PHKA1: variants seen among roughly 807,000 people sequenced by gnomAD.
The protein encoded by PHKA1 is phosphorylase kinase regulatory subunit alpha 1.
A neutral mutation model predicts 110.2 loss-of-function variants in PHKA1; 60 were observed. The ratio of observed to expected loss-of-function variants is 0.54; its 90% CI spans 0.44 to 0.68. PHKA1 has a LOEUF of 0.68. PHKA1 is among the 30% of genes least tolerant of loss of function. The pLI is 0.00. For missense variants in PHKA1, 801 were observed against 942.5 expected, an observed-to-expected ratio of 0.85 and a Z score of 1.97; for synonymous variants, 316 against 333.6, an observed-to-expected ratio of 0.95 and a Z score of 0.58.
chrX:72,620,873 A>G lies in PHKA1; in HGVS notation c.1989T>C (p.Tyr663=). ...CAGTGTGCGCCAAAAGGTGATCTAAATAACGAGCAACTTCATCACCACAGC... is the reference window on the plus strand; with the variant it reads ...CAGTGTGCGCCAAAAGGTGATCTAAGTAACGAGCAACTTCATCACCACAGC... The part of the protein sequence containing the change: ...HARCGDEVAR[Y]LDHLLAHTAP... The change falls in exon 19 of 32, where the codon TAT becomes TAC. Residue 663 remains tyrosine (Y), a synonymous_variant. Transcript: ENST00000373542. The G allele has an allele frequency of 8.3e-7, 1 of 1,211,292 alleles. No individual in the cohort carries two copies.
chrX:72,591,319 A>G (rs782588883), intron 29 of PHKA1, among the ~76,000 whole-genome samples: 1 of 111,224 alleles, frequency 9.0e-6, no homozygotes, highest in African/African-American at 3.3e-5. Context: ...AGGACAGAAA[A>G]CCAAACACCA....
At chrX:72,668,263 G>A (rs933351277) in intron 6 of PHKA1, among the ~76,000 whole-genome samples, 1 of 111,741 alleles carries the variant, frequency 8.9e-6, no homozygotes, top group Non-Finnish European at 1.9e-5. Flanking sequence ...AATAATGACT[G>A]TCAAGCTAAT....
intron 21 of PHKA1, among the ~76,000 whole-genome samples, 159 bp from the exon 22 acceptor site, chrX:72,611,343 G>T (rs782498961): frequency 1.8e-5 from 2 of 111,930 alleles, no homozygotes; most frequent in Non-Finnish European, 3.8e-5. Flanking sequence ...ATGATTAACA[G>T]TCAGCTCTGA....
chrX:72,713,844 C>T lies in PHKA1; in HGVS notation c.37G>A (p.Gly13Ser). The part of the protein sequence containing the change: ...SRSNSGVRLD[G>S]YARLVQQTIL... ...GTCTGTTGCACCAGTCGAGCGTAGC[C>T]GTCCAGCCGGACCCCGGAGTTACTC... Residue 13 changes from glycine to serine, a missense_variant, in exon 1 of 32, where the codon GGC (glycine) becomes AGC (serine). By Grantham distance (56) the Gly-to-Ser change is moderately conservative. Coordinates refer to ENST00000373542, the MANE Select transcript of PHKA1 (RefSeq NM_002637.4). 8.3e-7 allele frequency: 1 copy of T among 1,209,116 alleles called. No homozygotes were observed. The highest frequency in any genetic ancestry group is 3.0e-5 in the East Asian group (1 of 33,818).
intron 4 of PHKA1, among the ~76,000 whole-genome samples, chrX:72,687,409 G>T (rs1035544741): frequency 6.3e-5 from 7 of 111,921 alleles, no homozygotes; most frequent in African/African-American, 2.3e-4. Flanking sequence ...GCTGAGAGAA[G>T]GCAGAAGTAT....
intron 22 of PHKA1, among the ~76,000 whole-genome samples, chrX:72,610,736 A>G (rs189914846): frequency 1.4e-4 from 16 of 111,561 alleles, no homozygotes; most frequent in Admixed American, 3.8e-4. Flanking sequence ...TTCCATTCCC[A>G]CTAATGGTGT....
At position 72,636,402 on chromosome X, in the gene PHKA1, G is replaced by A. The variant is rs782782482; in HGVS notation, c.1460-16C>T. On this transcript the variant is annotated splice_polypyrimidine_tract_variant and intron_variant, in intron 14 of 31. Transcript: ENST00000373542. Reference sequence around the variant, plus strand: ...TTGTTGCATCCTGATACAGAATTGAGAAATGGTAAAAATATTTCTAGAGCA... The same window carrying A: ...TTGTTGCATCCTGATACAGAATTGAAAAATGGTAAAAATATTTCTAGAGCA... 9 of 990,225 alleles carry A rather than the reference G, an allele frequency of 9.1e-6. 1 individual carries two copies. The South Asian group carries it at 1.7e-4, about 19-fold the overall frequency. The allele number at this position is 990,225 out of a possible 1,213,427, so 81.6% of individuals were successfully genotyped here. A position where few individuals can be genotyped will look rare whatever the true frequency, so the allele number is the denominator to read the frequency against.
intron 3 of PHKA1, among the ~76,000 whole-genome samples, chrX:72,704,204 A>C (rs1474752729): frequency 1.8e-5 from 2 of 112,153 alleles, no homozygotes; most frequent in Non-Finnish European, 3.8e-5. Context: ...AATGCAAATT[A>C]CTGCAAGGAG....
chrX:72,644,210 G>A (rs900494275), intron 14 of PHKA1, 152 bp downstream of exon 14: 5 of 600,132 alleles, frequency 8.3e-6, no homozygotes, highest in Non-Finnish European at 1.3e-5. Context: ...GCTCAGAATA[G>A]AGAAGGTAAG....
intron 12 of PHKA1, among the ~76,000 whole-genome samples, chrX:72,652,055 C>G (rs1210290687): frequency 9.0e-6 from 1 of 110,936 alleles, no homozygotes; most frequent in Admixed American, 9.6e-5. Context: ...TTAGAGAGAC[C>G]CTTAACAAAA....
At chrX:72,670,252 T>C (rs1315701642) in intron 6 of PHKA1, among the ~76,000 whole-genome samples, 2 of 111,584 alleles carry the variant, frequency 1.8e-5, no homozygotes, top group Non-Finnish European at 3.8e-5. Flanking sequence ...TTTCTTTGAG[T>C]TCATTGTAGA....
At chrX:72,621,816 T>A (rs782588100) in intron 18 of PHKA1, 1 of 748,470 alleles carries the variant, frequency 1.3e-6, no homozygotes, top group Admixed American at 8.8e-5. Context: ...AGAAGCTCTT[T>A]ACCCACAGAA....
At chrX:72,627,689 G>T (rs1431378906) in intron 16 of PHKA1, among the ~76,000 whole-genome samples, 1 of 110,815 alleles carries the variant, frequency 9.0e-6, no homozygotes, top group African/African-American at 3.3e-5. Flanking sequence ...ATTCTTACAA[G>T]TAGAACTATT....
intron 29 of PHKA1, among the ~76,000 whole-genome samples, chrX:72,588,886 T>C (rs1230084084): frequency 9.0e-6 from 1 of 111,487 alleles, no homozygotes; most frequent in Non-Finnish European, 1.9e-5. Flanking sequence ...AGGAAGAAAC[T>C]GAATCTCTGA....
At chrX:72,695,567 T>C in intron 4 of PHKA1, 141 bp downstream of exon 4, 1 of 581,488 alleles carries the variant, frequency 1.7e-6, no homozygotes, top group Non-Finnish European at 2.8e-6. Context: ...TCTCATGATA[T>C]CTGAGAATTA....
rs1556260168 is a variant in PHKA1, at chrX:72,611,178, A to G, written c.2376T>C (p.Pro792=). The part of the protein sequence containing the change: ...ILYMLYTMKG[P]DWNTELYNER... ...CATTATACAATTCAGTGTTCCAGTCAGGTCCTCTAGAATTTTAACGACAGG... is the reference window on the plus strand; with the variant it reads ...CATTATACAATTCAGTGTTCCAGTCGGGTCCTCTAGAATTTTAACGACAGG... Residue 792 remains proline (P), a synonymous_variant, in exon 22 of 32, where the codon CCT becomes CCC. Coordinates refer to ENST00000373542, the MANE Select transcript of PHKA1 (RefSeq NM_002637.4). 1 of 1,199,382 alleles carries G rather than the reference A, an allele frequency of 8.3e-7. No individual in the cohort carries two copies.
At position 72,666,138 on chromosome X, in the gene PHKA1, C is replaced by T; in HGVS notation, c.864+13G>A. 1 of 1,208,485 alleles carries T rather than the reference C, an allele frequency of 8.3e-7. No individual in the cohort carries two copies. Among genetic ancestry groups the T allele is most frequent in the Non-Finnish European group, 1.1e-6 (1 of 893,031 alleles). Reference sequence around the variant, plus strand: ...CACAGCCTTAAAGAAAACAAAGGTACATAGGGACATACCTGAAGCTTGGTG... The same window carrying T: ...CACAGCCTTAAAGAAAACAAAGGTATATAGGGACATACCTGAAGCTTGGTG... On this transcript the variant is annotated intron_variant, in intron 8 of 31. Transcript: ENST00000373542.
At chrX:72,675,652 C>T (rs1168731388) in intron 6 of PHKA1, among the ~76,000 whole-genome samples, 1 of 109,937 alleles carries the variant, frequency 9.1e-6, no homozygotes, top group Non-Finnish European at 1.9e-5. Flanking sequence ...GCTGCTGCTG[C>T]TAATGATGAT....
At chrX:72,625,705 T>TC (rs1157902598) in intron 17 of PHKA1, among the ~76,000 whole-genome samples, 3 of 111,819 alleles carry the variant, frequency 2.7e-5, no homozygotes, top group Non-Finnish European at 5.6e-5. Flanking sequence ...TTCCACAGTC[T>TC]CCCAGGCTGG....
Sources: gnomAD v4.1 joint callset for allele counts (sites outside exome capture counted in the v4.1 genomes callset) on GRCh38, gnomAD v4.1.1 for gene constraint, MANE v1.5 for transcripts, NCBI Gene and HGNC (gene_info 2026-07-23, HGNC 2026-07-21) for gene names.